HTR4: variants seen among roughly 807,000 people sequenced by gnomAD.
The protein encoded by HTR4 is 5-hydroxytryptamine (serotonin) receptor 4, G protein-coupled.
HTR4 carries 16 observed loss-of-function variants against 36.8 expected under a neutral mutation model. The ratio of observed to expected loss-of-function variants is 0.43; its 90% CI spans 0.29 to 0.66. HTR4 has a LOEUF of 0.66. Ranked by LOEUF, HTR4 falls within the 30% of genes least tolerant of loss-of-function variation. The pLI, the probability that HTR4 is intolerant of heterozygous loss-of-function variation, is 0.13. For missense variants in HTR4, 438 were observed against 490.9 expected (o/e 0.89, Z 1.02); for synonymous variants, 189 against 185.1 (o/e 1.02, Z -0.17).
intron 4 of HTR4, among the ~76,000 whole-genome samples, chr5:148,537,443 C>T (rs921281258): frequency 6.6e-6 from 1 of 151,784 alleles, no homozygotes; most frequent in African/African-American, 2.4e-5. Flanking sequence ...GATCAATGAA[C>T]CCAGAAGTTA....
chr5:148,491,353 G>A (rs1756426073), intron 6 of HTR4, among the ~76,000 whole-genome samples: 2 of 151,686 alleles, frequency 1.3e-5, no homozygotes, highest in African/African-American at 2.4e-5. Context: ...CCTTAAGAAT[G>A]TATGAGGATT....
At chr5:148,472,237 G>C (rs1302471762), downstream of HTR4, among the ~76,000 whole-genome samples, 1 of 152,192 alleles carries the variant, frequency 6.6e-6, no homozygotes, top group Non-Finnish European at 1.5e-5. Context: ...AACAAGCCCT[G>C]AGTCTATTAT....
At chr5:148,534,669 G>A (rs1311171635) in intron 4 of HTR4, among the ~76,000 whole-genome samples, 2 of 152,098 alleles carry the variant, frequency 1.3e-5, no homozygotes, top group African/African-American at 4.8e-5. Context: ...GAGGAGGCCA[G>A]ACCATCTCTC....
At chr5:148,525,518 G>A (rs7701908) in intron 4 of HTR4, among the ~76,000 whole-genome samples, 38,847 of 152,006 alleles carry the variant, frequency 0.26, 5,766 homozygotes, top group Non-Finnish European at 0.34. Context: ...GGGGTGACCC[G>A]ATCAGACTTT....
chr5:148,535,435 G>A (rs1441371391), intron 4 of HTR4, among the ~76,000 whole-genome samples: 1 of 152,138 alleles, frequency 6.6e-6, no homozygotes, highest in Non-Finnish European at 1.5e-5. Context: ...GGAATGAAGA[G>A]TATCAAGATT....
chr5:148,476,532 T>A, downstream of HTR4: 2 of 1,346,872 alleles, frequency 1.5e-6, no homozygotes, highest in Non-Finnish European at 1.9e-6. Context: ...GTGGGTGGAG[T>A]ACTAATGGCA....
intron 2 of HTR4, among the ~76,000 whole-genome samples, chr5:148,635,993 A>G (rs1040347201): frequency 2.0e-5 from 3 of 152,174 alleles, no homozygotes; most frequent in Non-Finnish European, 4.4e-5. Context: ...TTTGAAATAT[A>G]TATATTACAA....
chr5:148,501,527 A>G (rs1239105900), intron 6 of HTR4, among the ~76,000 whole-genome samples: 2 of 152,258 alleles, frequency 1.3e-5, no homozygotes, highest in Non-Finnish European at 2.9e-5. Context: ...AGTTAAAACA[A>G]TTGATCAGAA....
intron 6 of HTR4, among the ~76,000 whole-genome samples, chr5:148,501,030 C>A (rs192234336): frequency 3.3e-5 from 5 of 151,962 alleles, no homozygotes; most frequent in Non-Finnish European, 7.4e-5. Context: ...AGCACATGCA[C>A]CAAGAAATGT....
chr5:148,560,208 A>T (rs993071972), intron 2 of HTR4, among the ~76,000 whole-genome samples: 16,000 of 114,542 alleles, frequency 0.14, 974 homozygotes, highest in East Asian at 0.22. Flanking sequence ...TTTTTTTTAA[A>T]AAAAAAAAAA....
At chr5:148,520,832 CA>C in intron 5 of HTR4, 1 of 1,329,074 alleles carries the variant, frequency 7.5e-7, no homozygotes, top group African/African-American at 1.5e-5. Flanking sequence ...GGATAGGATT[CA>C]AAAAATGTCC....
chr5:148,470,594 T>C (rs922964328), intron 5 of HTR4, among the ~76,000 whole-genome samples: 1 of 152,238 alleles, frequency 6.6e-6, no homozygotes, highest in East Asian at 1.9e-4. Context: ...CCTTTACAAA[T>C]GCAGAAAACA....
At chr5:148,599,918 C>A (rs1292558063) in intron 2 of HTR4, among the ~76,000 whole-genome samples, 1 of 150,748 alleles carries the variant, frequency 6.6e-6, no homozygotes, top group African/African-American at 2.4e-5. Flanking sequence ...TCTATAATAA[C>A]CATTAAGGAA....
At chr5:148,500,595 G>A (rs1756891970) in intron 6 of HTR4, among the ~76,000 whole-genome samples, 1 of 151,624 alleles carries the variant, frequency 6.6e-6, no homozygotes, top group African/African-American at 2.4e-5. Context: ...ATGGGGAGGT[G>A]TATTTGCCAA....
At chr5:148,617,004 T>G (rs1362885711) in intron 2 of HTR4, among the ~76,000 whole-genome samples, 1 of 152,238 alleles carries the variant, frequency 6.6e-6, no homozygotes, top group Admixed American at 6.5e-5. Context: ...AATTACAGAA[T>G]CTTATATCAT....
intron 6 of HTR4, among the ~76,000 whole-genome samples, chr5:148,484,624 G>A (rs561057611): frequency 5.9e-5 from 9 of 152,158 alleles, no homozygotes; most frequent in Admixed American, 2.0e-4. Flanking sequence ...AGAGTTAAAT[G>A]CTTTCCATCA....
chr5:148,615,949 C>T (rs1002444225), intron 2 of HTR4, among the ~76,000 whole-genome samples: 1 of 152,172 alleles, frequency 6.6e-6, no homozygotes, highest in Non-Finnish European at 1.5e-5. Context: ...CGGGCAGTCT[C>T]TTTTTCCCTT....
At chr5:148,590,743 G>A (rs1375832746) in intron 2 of HTR4, among the ~76,000 whole-genome samples, 1 of 151,144 alleles carries the variant, frequency 6.6e-6, no homozygotes, top group Non-Finnish European at 1.5e-5. Flanking sequence ...ATGATACGTA[G>A]TGTACAAATA....
At chr5:148,600,752 T>A (rs1241000079) in intron 2 of HTR4, among the ~76,000 whole-genome samples, 1 of 151,808 alleles carries the variant, frequency 6.6e-6, no homozygotes, top group Non-Finnish European at 1.5e-5. Flanking sequence ...TCTTTGACTT[T>A]AGTTCTGGCA....
Sources: allele counts gnomAD v4.1 joint callset (sites outside exome capture counted in the v4.1 genomes callset), GRCh38; gene constraint gnomAD v4.1.1; transcripts MANE v1.5; gene names NCBI Gene and HGNC (gene_info 2026-07-23, HGNC 2026-07-21).